Variants in UNC50 observed in about 807,000 individuals in gnomAD.
UNC50 encodes the protein protein unc-50 homolog.
In UNC50, 24 loss-of-function variants were observed where a neutral mutation model predicts 31.5. The ratio of observed to expected loss-of-function variants is 0.76; its 90% confidence interval spans 0.55 to 1.07. UNC50 has a LOEUF of 1.07. Ranked by LOEUF, UNC50 falls within the 50% of genes least tolerant of loss-of-function variation. UNC50 has a pLI of 0.00. For synonymous variants in UNC50, 118 were observed against 114.7 expected (o/e 1.03, Z -0.18); for missense variants, 245 against 304.2 (o/e 0.81, Z 1.45).
intron 5 of UNC50, among the ~76,000 whole-genome samples, chr2:98,616,986 A>G (rs1324955283): frequency 6.6e-6 from 1 of 152,210 alleles, no homozygotes; most frequent in Admixed American, 6.5e-5. Context: ...CTTTTGAATC[A>G]TAACTTTTTG....
intron 3 of UNC50, among the ~76,000 whole-genome samples, chr2:98,612,137 C>T (rs1359895035): frequency 6.6e-6 from 1 of 152,044 alleles, no homozygotes; most frequent in African/African-American, 2.4e-5. Context: ...ATGTGGCTAG[C>T]GATCTCAGTA....
At chr2:98,615,289 A>G (rs926785625) in intron 3 of UNC50, among the ~76,000 whole-genome samples, 9 of 152,188 alleles carry the variant, frequency 5.9e-5, no homozygotes, top group African/African-American at 1.9e-4. Context: ...ATGAGTTTAT[A>G]TTTCCAGTTT....
intron 3 of UNC50, 67 bp downstream of exon 3, chr2:98,610,962 C>T (rs990302502): frequency 6.6e-7 from 1 of 1,507,296 alleles, no homozygotes; most frequent in African/African-American, 1.4e-5. Flanking sequence ...TTCAGAGGTA[C>T]AATAGCAGCA....
At chr2:98,614,693 G>A (rs1170616976) in intron 3 of UNC50, among the ~76,000 whole-genome samples, 2 of 152,188 alleles carry the variant, frequency 1.3e-5, no homozygotes, top group South Asian at 2.1e-4. Context: ...AGCAGAGAAC[G>A]TCTACAGAAA....
chr2:98,616,807 A>C (rs1319414564), intron 5 of UNC50, among the ~76,000 whole-genome samples: 1 of 152,226 alleles, frequency 6.6e-6, no homozygotes, highest in Non-Finnish European at 1.5e-5. Context: ...TTTCAAGGAA[A>C]CATGTTAAAC....
intron 2 of UNC50, among the ~76,000 whole-genome samples, chr2:98,610,321 G>A (rs543175432): frequency 6.6e-6 from 1 of 152,286 alleles, no homozygotes; most frequent in Non-Finnish European, 1.5e-5. Flanking sequence ...TCAGCTGACT[G>A]TGAATAGGAA....
chr2:98,617,768 T>TG (rs1271973064), intron 5 of UNC50, among the ~76,000 whole-genome samples: 2 of 152,206 alleles, frequency 1.3e-5, no homozygotes, highest in Non-Finnish European at 2.9e-5. Flanking sequence ...AGCTAAAAGA[T>TG]GTTTTCCTAT....
In UNC50 at chr2:98,609,460, G is replaced by T. The variant is rs1700780724; in HGVS notation, c.-4-296G>T. ...AATCTTGGCTCTATCACTATCCTCG[G>T]AGTCATGGGGCAGTCACATCATCCC... On this transcript the variant is annotated intron_variant, in intron 1 of 5. Transcript: ENST00000357765. 8 of 470,850 alleles carry T rather than the reference G, an allele frequency of 1.7e-5. No individual in the cohort carries two copies. The East Asian group carries it at 3.0e-4, about 18-fold the overall frequency. The allele number at this position is 470,850 out of a possible 1,614,324, so 29.2% of individuals were successfully genotyped here.
chr2:98,616,405 A>T (rs1032586970), intron 4 of UNC50, 27 bp from the exon 5 acceptor site: 10 of 1,613,576 alleles, frequency 6.2e-6, no homozygotes, highest in Non-Finnish European at 8.5e-6. Flanking sequence ...TGGTAAAGGG[A>T]CTCATGGTCT....
In UNC50 at chr2:98,611,245, C is replaced by T. The variant is rs186833177; in HGVS notation, c.401+350C>T. Among the ~76,000 whole-genome samples the T allele has an allele frequency of 5.8e-3, 888 of 152,248 alleles. 5 individuals carry two copies. The highest frequency in any genetic ancestry group is 0.02 in the African/African-American group (818 of 41,532). Reference sequence around the variant, plus strand: ...CCTGATGACATGTGCCCAAGGTGGTCGGGGCACAGCTTGCTCTTATACATT... The same window carrying T: ...CCTGATGACATGTGCCCAAGGTGGTTGGGGCACAGCTTGCTCTTATACATT... On this transcript the variant is annotated intron_variant, in intron 3 of 5. Transcript: ENST00000357765.
chr2:98,609,615 T>C (rs1700786675), intron 1 of UNC50, 141 bp from the exon 2 acceptor site: 2 of 1,355,672 alleles, frequency 1.5e-6, no homozygotes, highest in East Asian at 4.6e-5. Context: ...CTAACTGCAT[T>C]TGCTTTTGAC....
In UNC50 at chr2:98,618,206, C is replaced by G; in HGVS notation, c.682C>G (p.Pro228Ala). The G allele has an allele frequency of 6.2e-7, 1 of 1,608,852 alleles. No individual in the cohort carries two copies. The highest frequency in any genetic ancestry group is 2.2e-5 in the East Asian group (1 of 44,794). The stretch of plus-strand genomic sequence containing the variant: ...GAAAAATACAGTAATTCTTCTGTAT[C>G]CATTTGCACCTCTGATTCTGCTCTA... ...FLKNTVILLY[P>A]FAPLILLYGL... The change falls in exon 6 of 6, where the codon CCA becomes GCA. Residue 228 changes from proline (P) to alanine (A), a missense_variant. By Grantham distance (27) the Pro-to-Ala change is conservative. Coordinates refer to ENST00000357765, the MANE Select transcript of UNC50 (RefSeq NM_014044.7).
At chr2:98,612,503 G>A (rs1241672118) in intron 3 of UNC50, among the ~76,000 whole-genome samples, 4 of 151,368 alleles carry the variant, frequency 2.6e-5, no homozygotes, top group Non-Finnish European at 4.4e-5. Context: ...TCCGCCTCCC[G>A]GGTTCAAGCG....
chr2:98,611,977 G>A (rs77831153), intron 3 of UNC50, among the ~76,000 whole-genome samples: 14 of 69,762 alleles, frequency 2.0e-4, no homozygotes, highest in Non-Finnish European at 1.5e-4. Context: ...CGCCCCCCCC[G>A]CCCCCCCACC....
intron 3 of UNC50, among the ~76,000 whole-genome samples, chr2:98,615,173 G>T (rs1400049068): frequency 6.6e-6 from 1 of 152,174 alleles, no homozygotes; most frequent in African/African-American, 2.4e-5. Flanking sequence ...TTTAATAGGG[G>T]GTTGACCCAG....
In UNC50 at chr2:98,618,224, C is replaced by T; in HGVS notation, c.700C>T (p.Leu234=). The change falls in exon 6 of 6, where the codon CTG becomes TTG. Residue 234 remains leucine (L), a synonymous_variant. Transcript: ENST00000357765. ...ILLYPFAPLI[L]LYGLSLALGW... ...TCTGTATCCATTTGCACCTCTGATT[C>T]TGCTCTACGGGCTTTCCCTGGCACT... The T allele has an allele frequency of 6.2e-7, 1 of 1,610,704 alleles. No individual in the cohort carries two copies. Among genetic ancestry groups the T allele is most frequent in the Non-Finnish European group, 8.5e-7 (1 of 1,179,020 alleles).
rs1276195482 is a variant in UNC50 at position 98,616,512 on chromosome 2, G to A, written c.622G>A (p.Val208Ile). ...WLVAVGYYIY[V>I]TFLGYSALPF... ...GGTTGCAGTTGGCTATTATATCTAT[G>A]TAACTTTCCTGGGATACAGTGGTAA... Residue 208 changes from valine (V) to isoleucine (I), a missense_variant, in exon 5 of 6, where the codon GTA (valine) becomes ATA (isoleucine). Coordinates refer to ENST00000357765, the MANE Select transcript of UNC50 (RefSeq NM_014044.7). The A allele has an allele frequency of 6.2e-7, 1 of 1,613,692 alleles. No individual in the cohort carries two copies. The highest frequency in any genetic ancestry group is 1.1e-5 in the South Asian group (1 of 91,028).
At chr2:98,610,642 TCA>T (rs1478062496) in intron 2 of UNC50, 131 bp from the exon 3 acceptor site, 3 of 1,144,740 alleles carry the variant, frequency 2.6e-6, no homozygotes, top group Non-Finnish European at 3.7e-6. Flanking sequence ...AAGGTAGTGT[TCA>T]CACATCTTGG....
In UNC50 at chr2:98,609,803, G is replaced by A. The variant is rs779743661; in HGVS notation, c.44G>A (p.Gly15Glu). The change falls in exon 2 of 6, where the codon GGA becomes GAA. Residue 15 changes from glycine (G) to glutamate (E), a missense_variant. By Grantham distance (98) the Gly-to-Glu change is moderately conservative (BLOSUM62 -2). Transcript: ENST00000357765. ...TSVNSLVQGN[G>E]VLNSRDAARH... is the part of the protein sequence containing the mutation. ...GTGAATTCCTTAGTGCAGGGGAACGGAGTCTTGAATTCCAGGGATGCGGCA... is the reference window on the plus strand; with the variant it reads ...GTGAATTCCTTAGTGCAGGGGAACGAAGTCTTGAATTCCAGGGATGCGGCA... 39 of 1,614,114 alleles carry A rather than the reference G, an allele frequency of 2.4e-5. No individual in the cohort carries two copies. The highest frequency in any genetic ancestry group is 3.2e-5 in the Non-Finnish European group (38 of 1,180,054).
Sources: allele counts gnomAD v4.1 joint callset (sites outside exome capture counted in the v4.1 genomes callset), GRCh38; gene constraint gnomAD v4.1.1; transcripts MANE v1.5; gene names NCBI Gene and HGNC (gene_info 2026-07-23, HGNC 2026-07-21).